The following SH3PXD2B variants were observed in gnomAD, a reference collection of about 807,000 sequenced individuals.
SH3PXD2B encodes the protein SH3 and PX domain-containing protein 2B.
In SH3PXD2B, 37 loss-of-function variants were observed where a neutral mutation model predicts 73.1. The ratio of observed to expected loss-of-function variants is 0.51; its 90% CI spans 0.39 to 0.67. SH3PXD2B has a LOEUF of 0.67. SH3PXD2B is among the 30% of genes least tolerant of loss of function. The pLI is 0.00. For synonymous variants in SH3PXD2B, 457 were observed against 480.5 expected (o/e 0.95, Z 0.64); for missense variants, 1,053 against 1,197.8 (o/e 0.88, Z 1.78).
intron 7 of SH3PXD2B, 55 bp downstream of exon 7, chr5:172,362,680 G>A: frequency 6.2e-7 from 1 of 1,613,208 alleles, no homozygotes; most frequent in Non-Finnish European, 8.5e-7. Context: ...AATGTTTCAT[G>A]TCCCAGGGGC....
intron 8 of SH3PXD2B, among the ~76,000 whole-genome samples, chr5:172,356,979 A>C (rs1464107178): frequency 6.6e-6 from 1 of 152,118 alleles, no homozygotes; most frequent in Admixed American, 6.5e-5. Context: ...TCTAGTAGAC[A>C]TAATTCCATT....
intron 1 of SH3PXD2B, among the ~76,000 whole-genome samples, chr5:172,442,422 A>G (rs1759569094): frequency 6.6e-6 from 1 of 152,192 alleles, no homozygotes; most frequent in Admixed American, 6.5e-5. Context: ...CATCCTTTGG[A>G]CAAACCACTT....
chr5:172,380,933 T>C (rs943032048), intron 5 of SH3PXD2B, among the ~76,000 whole-genome samples: 1 of 152,250 alleles, frequency 6.6e-6, no homozygotes, highest in East Asian at 1.9e-4. Context: ...AGTGGTGTAC[T>C]CGGAAGTCTG....
intron 1 of SH3PXD2B, among the ~76,000 whole-genome samples, chr5:172,444,093 C>T (rs1483267063): frequency 6.6e-6 from 1 of 152,342 alleles, no homozygotes; most frequent in East Asian, 1.9e-4. Flanking sequence ...CCACAACTAT[C>T]CCTCTCACTA....
intron 7 of SH3PXD2B, among the ~76,000 whole-genome samples, chr5:172,359,791 A>C (rs1757360575): frequency 6.6e-6 from 1 of 152,206 alleles, no homozygotes; most frequent in Non-Finnish European, 1.5e-5. Flanking sequence ...TAAGGTTGCT[A>C]ATCTGCTGAC....
chr5:172,423,351 C>T (rs150585500), intron 1 of SH3PXD2B, among the ~76,000 whole-genome samples: 57 of 152,264 alleles, frequency 3.7e-4, no homozygotes, highest in Non-Finnish European at 6.0e-4. Context: ...CAAGTGAAAG[C>T]TGTTTGGAAA....
At chr5:172,427,966 CG>C (rs1759139513) in intron 1 of SH3PXD2B, among the ~76,000 whole-genome samples, 2 of 151,850 alleles carry the variant, frequency 1.3e-5, no homozygotes. Context: ...TTAGTAGAGA[CG>C]GGGTTTCACT....
At chr5:172,373,843 G>A in intron 5 of SH3PXD2B, 28 bp from the exon 6 acceptor site, 1 of 1,613,390 alleles carries the variant, frequency 6.2e-7, no homozygotes, top group South Asian at 1.1e-5. Context: ...GGGGTGGGAA[G>A]AGTAACGAGT....
rs1380281449 is a variant in SH3PXD2B at position 172,338,669 on chromosome 5, CAA to C, written c.2434_2435del (p.Leu812GlyfsTer5). The C allele has an allele frequency of 6.2e-7, 1 of 1,614,094 alleles. No individual in the cohort carries two copies. Among genetic ancestry groups the C allele is most frequent in the Non-Finnish European group, 8.5e-7 (1 of 1,180,058 alleles). ...PKAKPFLSNS[L>X]GGQDDTRGKG... ...TGCCTCGCGTGTCATCCTGGCCCCC[CAA>C]AGAGTTGGAGAGAAAAGGTTTGGCT... On this transcript the variant is annotated frameshift_variant, in exon 13 of 13. Transcript: ENST00000311601. LOFTEE classifies it high-confidence loss of function. This position sits in a 1 kb window ranked among gnomAD's most constrained non-coding sequence, Gnocchi z 5.1.
intron 4 of SH3PXD2B, among the ~76,000 whole-genome samples, chr5:172,384,236 G>A (rs145076207): frequency 7.2e-4 from 109 of 152,216 alleles, no homozygotes; most frequent in Middle Eastern, 3.4e-3. Flanking sequence ...CTGGGCTCTC[G>A]TGGACCAACG....
intron 7 of SH3PXD2B, among the ~76,000 whole-genome samples, chr5:172,360,334 C>T (rs775494366): frequency 6.6e-6 from 1 of 152,160 alleles, no homozygotes; most frequent in Admixed American, 6.5e-5. Flanking sequence ...ATTATTGCTG[C>T]CATTTTACAG....
intron 1 of SH3PXD2B, among the ~76,000 whole-genome samples, chr5:172,443,275 G>C (rs1161400041): frequency 6.6e-6 from 1 of 152,230 alleles, no homozygotes; most frequent in Non-Finnish European, 1.5e-5. Context: ...AAAGTCACAT[G>C]TATTACTACT....
intron 8 of SH3PXD2B, 148 bp downstream of exon 8, chr5:172,358,625 T>C: frequency 1.3e-6 from 1 of 793,698 alleles, no homozygotes; most frequent in Non-Finnish European, 2.1e-6. Context: ...GCCTGGTTTC[T>C]GGTTCACAGG....
intron 4 of SH3PXD2B, among the ~76,000 whole-genome samples, chr5:172,387,630 T>C (rs941341357): frequency 5.9e-5 from 9 of 152,180 alleles, no homozygotes; most frequent in Admixed American, 4.6e-4. Context: ...TGAGGAATCA[T>C]TCATGCAAAG....
Position 172,353,969 on chromosome 5 carries a change from C to G in SH3PXD2B, c.704G>C (p.Arg235Pro). ...CTCCAGGTTCATTTCATCCTGGTCC[C>G]GAGCTGTGTACGGGTAGATGACTGT... ...KYTVIYPYTA[R>P]DQDEMNLERG... Residue 235 changes from arginine to proline, a missense_variant, in exon 9 of 13, where the codon CGG (arginine) becomes CCG (proline). Coordinates refer to ENST00000311601, the MANE Select transcript of SH3PXD2B (RefSeq NM_001017995.3). This position sits in a 1 kb window ranked among gnomAD's most constrained non-coding sequence, Gnocchi z 4.3. 6.2e-7 allele frequency: 1 copy of G among 1,614,114 alleles called. No homozygotes were observed. Among genetic ancestry groups the G allele is most frequent in the South Asian group, 1.1e-5 (1 of 91,076 alleles).
chr5:172,325,192 G>T (rs1049197122), exon 13 of SH3PXD2B: 3 of 914,430 alleles, frequency 3.3e-6, no homozygotes, highest in South Asian at 1.6e-5. Flanking sequence ...TTTGTATTAC[G>T]CATATTTTAC....
chr5:172,434,831 T>A (rs967014055), intron 1 of SH3PXD2B, among the ~76,000 whole-genome samples: 10 of 150,854 alleles, frequency 6.6e-5, no homozygotes, highest in African/African-American at 2.5e-4. Context: ...TTGCCCAGGA[T>A]GGAGTGCAGT....
intron 10 of SH3PXD2B, among the ~76,000 whole-genome samples, chr5:172,348,190 G>A (rs1757038569): frequency 6.6e-6 from 1 of 152,330 alleles, no homozygotes; most frequent in East Asian, 1.9e-4. Context: ...CTTGCAGCCA[G>A]GTATTGCCAC....
rs189115569 is a variant in SH3PXD2B at position 172,410,514 on chromosome 5, C to T, written c.157-4162G>A. Among the ~76,000 whole-genome samples, 12 of 152,150 alleles carry T rather than the reference C, an allele frequency of 7.9e-5. No individual in the cohort carries two copies. In the East Asian group the frequency reaches 1.4e-3, roughly 17 times the overall value. ...AATAAAAACGGGCTGAACTTGATGT[C>T]GATGAAGAGAGGTTGTGAGTGGCGA... is the stretch of plus-strand genomic sequence containing the variant. On this transcript the variant is annotated intron_variant, in intron 2 of 12. Coordinates refer to ENST00000311601, the MANE Select transcript of SH3PXD2B (RefSeq NM_001017995.3).
Sources: gnomAD v4.1 joint callset for allele counts (sites outside exome capture counted in the v4.1 genomes callset) on GRCh38, gnomAD v4.1.1 for gene constraint, Gnocchi (gnomAD v3.1) non-coding constraint, MANE v1.5 for transcripts, NCBI Gene and HGNC (gene_info 2026-07-23, HGNC 2026-07-21) for gene names.